Variants in FBXL13 observed in about 807,000 individuals in gnomAD.
The protein encoded by FBXL13 is F-box and leucine-rich repeat protein 13.
Under a neutral mutation model 83.6 loss-of-function variants are expected in FBXL13, and 67 were observed. The ratio of observed to expected loss-of-function variants is 0.80; its 90% CI spans 0.66 to 0.98. The LOEUF (loss-of-function observed/expected upper bound fraction) is 0.98, where lower values mean the gene tolerates loss of function less well. Ranked by LOEUF, FBXL13 falls within the 50% of genes least tolerant of loss-of-function variation. The pLI is 0.00. For missense variants in FBXL13, 822 were observed against 866.5 expected (o/e 0.95, Z 0.64); for synonymous variants, 272 against 299.5 (o/e 0.91, Z 0.95).
At chr7:102,914,890 T>C (rs1052236863) in intron 10 of FBXL13, among the ~76,000 whole-genome samples, 1 of 152,186 alleles carries the variant, frequency 6.6e-6, no homozygotes, top group Non-Finnish European at 1.5e-5. Context: ...GTGATTCAAC[T>C]GAGTACAATT....
intron 10 of FBXL13, among the ~76,000 whole-genome samples, chr7:102,923,653 T>G (rs1817523122): frequency 6.6e-6 from 1 of 151,530 alleles, no homozygotes; most frequent in South Asian, 2.1e-4. Context: ...AAACCCCATC[T>G]CTACTAAAAA....
At position 102,981,430 on chromosome 7, in the gene FBXL13, C is replaced by T. The variant is rs142504348; in HGVS notation, c.496-13313G>A. On this transcript the variant is annotated intron_variant, in intron 6 of 19. Coordinates refer to ENST00000313221, the Ensembl canonical transcript of FBXL13. ...CCCCCTTACCCACCTCTTTTTCTGA[C>T]ATTGCACACAGGCCAGTCTCTCATC... is the stretch of plus-strand genomic sequence containing the variant. Among the ~76,000 whole-genome samples the T allele has an allele frequency of 6.6e-3, 997 of 152,194 alleles. 11 individuals are homozygous for T. Among genetic ancestry groups the T allele is most frequent in the South Asian group, 0.015 (73 of 4,824 alleles).
chr7:102,968,028 C>T lies in FBXL13; in HGVS notation c.585G>A (p.Trp195Ter). The T allele has an allele frequency of 6.2e-7, 1 of 1,611,382 alleles. No individual in the cohort carries two copies. The change falls in exon 7 of 20, where the codon TGG becomes TGA. Residue 195 changes from tryptophan to a stop codon, truncating the protein, a stop_gained. Transcript: ENST00000313221. LOFTEE classifies it high-confidence loss of function. ...TCAGTTAGTATCTACTTACAGCATT[C>T]CACAGTGAGTTTAGTTGTGTCATCA...
intron 8 of FBXL13, among the ~76,000 whole-genome samples, chr7:102,947,312 A>C (rs967636576): frequency 6.6e-6 from 1 of 152,170 alleles, no homozygotes; most frequent in Non-Finnish European, 1.5e-5. Flanking sequence ...AAAGAGCCCA[A>C]GTTGTTCTCA....
At chr7:103,033,460 A>G (rs1794734901) in intron 2 of FBXL13, among the ~76,000 whole-genome samples, 1 of 152,230 alleles carries the variant, frequency 6.6e-6, no homozygotes, top group Non-Finnish European at 1.5e-5. Context: ...ACAGTTCTTA[A>G]AGGCGGCGTG....
At chr7:103,019,305 C>T (rs1792814775) in intron 6 of FBXL13, among the ~76,000 whole-genome samples, 1 of 152,194 alleles carries the variant, frequency 6.6e-6, no homozygotes, top group African/African-American at 2.4e-5. Flanking sequence ...ACCGGAATGT[C>T]TGGGACACAT....
chr7:103,013,271 C>T (rs1273229237), intron 6 of FBXL13, among the ~76,000 whole-genome samples: 3 of 152,132 alleles, frequency 2.0e-5, no homozygotes, highest in Admixed American at 6.5e-5. Context: ...GAACTCAATG[C>T]TTGACCAAAT....
At chr7:102,878,766 A>T (rs1809606361) in intron 14 of FBXL13, among the ~76,000 whole-genome samples, 1 of 152,190 alleles carries the variant, frequency 6.6e-6, no homozygotes, top group Non-Finnish European at 1.5e-5. Flanking sequence ...GTAGTCCCTG[A>T]TACCATTTCC....
intron 5 of FBXL13, among the ~76,000 whole-genome samples, chr7:103,026,859 T>C (rs1182734009): frequency 1.3e-5 from 2 of 152,100 alleles, no homozygotes; most frequent in African/African-American, 2.4e-5. Context: ...ATAAAATATC[T>C]CCTACTAAAT....
At chr7:102,897,254 G>C (rs1052974159) in intron 11 of FBXL13, among the ~76,000 whole-genome samples, 1 of 151,980 alleles carries the variant, frequency 6.6e-6, no homozygotes, top group Non-Finnish European at 1.5e-5. Flanking sequence ...AAGGGAGTAG[G>C]TATAGCTGGA....
intron 8 of FBXL13, chr7:102,939,671 G>C: frequency 2.5e-6 from 3 of 1,187,778 alleles, no homozygotes; most frequent in Non-Finnish European, 3.5e-6. Context: ...AGTAAATTCA[G>C]TTTAAAAGTA....
chr7:103,001,094 C>T (rs1012820820), intron 6 of FBXL13, among the ~76,000 whole-genome samples: 3 of 151,782 alleles, frequency 2.0e-5, no homozygotes, highest in Non-Finnish European at 2.9e-5. Flanking sequence ...ACAGGCACAT[C>T]CCACCACACC....
At chr7:102,861,470 T>A (rs1024800117) in intron 16 of FBXL13, among the ~76,000 whole-genome samples, 1 of 152,198 alleles carries the variant, frequency 6.6e-6, no homozygotes, top group Non-Finnish European at 1.5e-5. Context: ...GAGGCACATA[T>A]GTCCAGTTGT....
At chr7:103,021,332 T>C (rs1015793612) in intron 6 of FBXL13, among the ~76,000 whole-genome samples, 13 of 152,056 alleles carry the variant, frequency 8.5e-5, no homozygotes, top group African/African-American at 3.1e-4. Flanking sequence ...AAAAATTAAT[T>C]CAAGATGAAT....
intron 11 of FBXL13, among the ~76,000 whole-genome samples, chr7:102,899,476 G>A (rs766103737): frequency 6.6e-6 from 1 of 152,168 alleles, no homozygotes; most frequent in Non-Finnish European, 1.5e-5. Flanking sequence ...CTGTGCTGCT[G>A]GAGAAGAGAA....
chr7:102,952,328 A>G (rs1441162005), intron 8 of FBXL13, among the ~76,000 whole-genome samples: 2 of 152,362 alleles, frequency 1.3e-5, no homozygotes, highest in East Asian at 1.9e-4. Flanking sequence ...CTGAACACAT[A>G]AAAGTGGTTA....
chr7:102,861,751 G>A (rs1043327109), intron 16 of FBXL13, among the ~76,000 whole-genome samples: 2 of 152,144 alleles, frequency 1.3e-5, no homozygotes, highest in African/African-American at 4.8e-5. Flanking sequence ...GGAGGCCAAG[G>A]CAGGTGGATC....
At chr7:103,022,469 T>TA in intron 6 of FBXL13, among the ~76,000 whole-genome samples, 1 of 151,174 alleles carries the variant, frequency 6.6e-6, no homozygotes, top group Non-Finnish European at 1.5e-5. Context: ...CCCTAGAACT[T>TA]AAAGTATAAA....
rs183934044 is a variant in FBXL13, at chr7:102,946,012, G to A, written c.725-14079C>T. Among the ~76,000 whole-genome samples, 31 of 152,238 alleles carry A rather than the reference G, an allele frequency of 2.0e-4. No individual in the cohort carries two copies. The East Asian group carries it at 6.0e-3, about 29-fold the overall frequency. On this transcript the variant is annotated intron_variant, in intron 8 of 19. Transcript: ENST00000313221. The stretch of plus-strand genomic sequence containing the variant: ...TTCTCCTGTCTCAACCTCCCGAGTA[G>A]CTGGTATTACAGGTGCTCACCACCA...
Sources: allele counts gnomAD v4.1 joint callset (sites outside exome capture counted in the v4.1 genomes callset), GRCh38; gene constraint gnomAD v4.1.1; transcripts MANE v1.5; gene names NCBI Gene and HGNC (gene_info 2026-07-23, HGNC 2026-07-21).